Variants in SCOC observed in about 807,000 individuals in gnomAD.
SCOC encodes the protein short coiled-coil protein.
In SCOC, 7 loss-of-function variants were observed where a neutral mutation model predicts 9.9. The ratio of observed to expected loss-of-function variants is 0.71; its 90% confidence interval spans 0.40 to 1.33. SCOC has a LOEUF of 1.33. Among genes scored for constraint, SCOC ranks in the 40% most tolerant of loss-of-function variants. SCOC has a pLI of 0.01. For missense variants in SCOC, 66 were observed against 89.7 expected, an observed-to-expected ratio of 0.74 and a Z score of 1.07; for synonymous variants, 19 against 28.2, an observed-to-expected ratio of 0.67 and a Z score of 1.03.
rs139985309 is a variant in SCOC at position 140,261,514 on chromosome 4, C to T, written c.-19+4104C>T. Among the ~76,000 whole-genome samples, 566 of 152,298 alleles carry T rather than the reference C, an allele frequency of 3.7e-3. 2 individuals are homozygous for T. Among genetic ancestry groups the T allele is most frequent in the African/African-American group, 0.013 (541 of 41,556 alleles). ...CATTCATTTGGGTCCCTTTGATTTC[C>T]CTGCCACCAACAGAAAAGGCTGAGT... On this transcript the variant is annotated intron_variant, in intron 1 of 4. Coordinates refer to the SCOC transcript ENST00000394205.
intron 1 of SCOC, among the ~76,000 whole-genome samples, chr4:140,272,624 T>C (rs1293334657): frequency 1.3e-5 from 2 of 152,200 alleles, no homozygotes; most frequent in Non-Finnish European, 2.9e-5. Context: ...CGCCTGGCCA[T>C]ATTAGGCACT....
chr4:140,307,704 T>C (rs1445520291), intron 1 of SCOC, among the ~76,000 whole-genome samples: 1 of 152,210 alleles, frequency 6.6e-6, no homozygotes, highest in African/African-American at 2.4e-5. Flanking sequence ...ATATGAGTTC[T>C]ATCAAGGCCG....
chr4:140,355,020 T>C (rs1727148265), intron 2 of SCOC, among the ~76,000 whole-genome samples: 1 of 151,838 alleles, frequency 6.6e-6, no homozygotes, highest in Non-Finnish European at 1.5e-5. Context: ...TGAAGGATGC[T>C]AAATATTGAT....
At chr4:140,353,503 C>T (rs1400460884) in intron 2 of SCOC, among the ~76,000 whole-genome samples, 5 of 151,828 alleles carry the variant, frequency 3.3e-5, no homozygotes, top group African/African-American at 9.7e-5. Flanking sequence ...CTCTGCCTCC[C>T]GCGTTCAAGC....
intron 1 of SCOC, among the ~76,000 whole-genome samples, chr4:140,303,873 C>G (rs180706348): frequency 5.9e-4 from 90 of 152,282 alleles, no homozygotes; most frequent in Non-Finnish European, 1.1e-3. Flanking sequence ...ATAAAGAAAA[C>G]AAGCATTGCC....
intron 1 of SCOC, among the ~76,000 whole-genome samples, chr4:140,315,501 G>A (rs2126473693): frequency 6.6e-6 from 1 of 152,254 alleles, no homozygotes; most frequent in Middle Eastern, 3.4e-3. Flanking sequence ...CTTAACCAGT[G>A]TGCTATACTA....
At chr4:140,281,327 A>G (rs1304773058) in intron 1 of SCOC, among the ~76,000 whole-genome samples, 3 of 152,166 alleles carry the variant, frequency 2.0e-5, no homozygotes, top group Non-Finnish European at 4.4e-5. Flanking sequence ...ACCTGGAGGG[A>G]CACATCAGGT....
intron 1 of SCOC, chr4:140,257,535 C>T (rs112392791): frequency 6.6e-6 from 1 of 152,210 alleles, no homozygotes; most frequent in Non-Finnish European, 1.5e-5. Flanking sequence ...CTCTGTTCTT[C>T]TTCAGAGTTT....
intron 1 of SCOC, among the ~76,000 whole-genome samples, chr4:140,329,414 C>T (rs1413205485): frequency 6.6e-6 from 1 of 152,100 alleles, no homozygotes; most frequent in Non-Finnish European, 1.5e-5. Flanking sequence ...ACCAAGAACC[C>T]AAAAGCAAAT....
chr4:140,373,963 C>G (rs1239039693), intron 1 of SCOC: 2 of 671,962 alleles, frequency 3.0e-6, no homozygotes, highest in South Asian at 1.5e-5. Context: ...GGAGAGGGAC[C>G]TCTCGCGGTC....
chr4:140,336,601 A>G (rs1420030309), intron 1 of SCOC, among the ~76,000 whole-genome samples: 1 of 152,192 alleles, frequency 6.6e-6, no homozygotes. Flanking sequence ...GAATGTACGT[A>G]TCACAATTTA....
At chr4:140,356,114 T>C (rs1727218830) in intron 2 of SCOC, among the ~76,000 whole-genome samples, 3 of 152,272 alleles carry the variant, frequency 2.0e-5, no homozygotes, top group African/African-American at 7.2e-5. Context: ...ATTCAAGGCA[T>C]GGAGGGTGGA....
chr4:140,299,032 G>C (rs999484328), intron 1 of SCOC, among the ~76,000 whole-genome samples: 1 of 152,078 alleles, frequency 6.6e-6, no homozygotes, highest in Non-Finnish European at 1.5e-5. Context: ...TGCCCAGGCT[G>C]GTCTCAAACT....
At position 140,328,044 on chromosome 4, in the gene SCOC, G is replaced by T. The variant is rs573272304; in HGVS notation, c.-18-15577G>T. Among the ~76,000 whole-genome samples, 5 of 152,272 alleles carry T rather than the reference G, an allele frequency of 3.3e-5. No homozygotes were observed. The East Asian group carries it at 9.6e-4, about 29-fold the overall frequency. On this transcript the variant is annotated intron_variant, in intron 1 of 4. Coordinates refer to the SCOC transcript ENST00000394205. ...CACTCACCAGCCACGTAGTCCTTGGGGACATCACCAGACTCCTCGTGCTTC... is the reference window on the plus strand; with the variant it reads ...CACTCACCAGCCACGTAGTCCTTGGTGACATCACCAGACTCCTCGTGCTTC...
chr4:140,348,571 T>C (rs80029767), intron 2 of SCOC, among the ~76,000 whole-genome samples: 12 of 40,430 alleles, frequency 3.0e-4, no homozygotes, highest in African/African-American at 7.8e-4. Flanking sequence ...TATATGTATA[T>C]ATATACGCAC....
rs146580290 is a variant in SCOC at position 140,333,307 on chromosome 4, T to C, written c.-18-10314T>C. 6.6e-5 allele frequency among the ~76,000 whole-genome samples: 10 copies of C among 152,234 alleles called. No homozygotes were observed. In the East Asian group the frequency reaches 1.5e-3, roughly 24 times the overall value. ...CAATTTTTTCTTCATAGCACTTCTC[T>C]CCTCTCCATTGGATGTGTGTGTGTT... is the stretch of plus-strand genomic sequence containing the variant. On this transcript the variant is annotated intron_variant, in intron 1 of 4. Transcript: ENST00000394205.
intron 1 of SCOC, among the ~76,000 whole-genome samples, chr4:140,259,029 G>GTCT (rs1355518546): frequency 6.6e-6 from 1 of 152,198 alleles, no homozygotes; most frequent in African/African-American, 2.4e-5. Flanking sequence ...GGAATTGGAC[G>GTCT]TCTCTTTCAT....
chr4:140,356,035 A>G (rs1436133207), intron 2 of SCOC, among the ~76,000 whole-genome samples: 2 of 152,230 alleles, frequency 1.3e-5, no homozygotes, highest in African/African-American at 4.8e-5. Flanking sequence ...CAACACCACT[A>G]TGGTGATACA....
intron 1 of SCOC, among the ~76,000 whole-genome samples, chr4:140,317,089 C>T (rs1732343213): frequency 6.6e-6 from 1 of 152,116 alleles, no homozygotes; most frequent in Non-Finnish European, 1.5e-5. Flanking sequence ...ATCTTAAGGG[C>T]TTTTCAGGAC....
Sources: gnomAD v4.1 joint callset for allele counts (sites outside exome capture counted in the v4.1 genomes callset) on GRCh38, gnomAD v4.1.1 for gene constraint, MANE v1.5 for transcripts, NCBI Gene and HGNC (gene_info 2026-07-23, HGNC 2026-07-21) for gene names.